Variants in HSPG2 observed in about 807,000 individuals in gnomAD.
HSPG2 encodes basement membrane-specific heparan sulfate proteoglycan core protein.
A neutral mutation model predicts 526.6 loss-of-function variants in HSPG2; 278 were observed. That is an observed-to-expected ratio of 0.53 (90% confidence interval 0.48 to 0.58). The LOEUF (loss-of-function observed/expected upper bound fraction) is 0.58, where lower values mean the gene tolerates loss of function less well. Among genes scored for constraint, HSPG2 ranks in the 20% least tolerant of loss-of-function variants. HSPG2 has a pLI of 0.00. For missense variants in HSPG2, 5,354 were observed against 6,099.5 expected (o/e 0.88, Z 4.07); for synonymous variants, 2,465 against 2,555.4 (o/e 0.96, Z 1.07).
intron 1 of HSPG2, among the ~76,000 whole-genome samples, chr1:21,932,106 G>T (rs12129809): frequency 6.6e-6 from 1 of 152,058 alleles, no homozygotes; most frequent in Non-Finnish European, 1.5e-5. Context: ...GGCGTCCCTA[G>T]GAGACCCCAC....
In HSPG2 at chr1:21,855,509, G is replaced by A. The variant is rs79859019; in HGVS notation, c.5854+14C>T. On this transcript the variant is annotated intron_variant, in intron 46 of 96. Coordinates refer to ENST00000374695, the MANE Select transcript of HSPG2 (RefSeq NM_005529.7). ...AGCACACTCCCGGCCCCCACCCTGA[G>A]CCCGGCCTCTCACCATGCACGTGGA... 1 of 1,610,712 alleles carries A rather than the reference G, an allele frequency of 6.2e-7. No homozygotes were observed.
In HSPG2 at chr1:21,834,811, G is replaced by T; in HGVS notation, c.10588C>A (p.Arg3530=). 1.9e-6 allele frequency: 3 copies of T among 1,614,200 alleles called. No homozygotes were observed. Among genetic ancestry groups the T allele is most frequent in the Non-Finnish European group, 2.5e-6 (3 of 1,180,044 alleles). ...CCTCCGCTCTGCACAATGCCTGGCC[G>T]CAGGTGCCCTCCAACTTTGCTCCAT... ...VTWSKVGGHL[R]PGIVQSGGVV... Residue 3530 remains arginine (R), a synonymous_variant, in exon 77 of 97, where the codon CGG becomes AGG. Transcript: ENST00000374695.
chr1:21,875,174 T>G (rs1640952962), intron 25 of HSPG2, 172 bp from the exon 26 acceptor site: 2 of 655,572 alleles, frequency 3.1e-6, no homozygotes, highest in Admixed American at 4.3e-5. Context: ...AGCTGTTACC[T>G]GCAACTTACT....
chr1:21,870,432 G>A (rs1640556985), intron 33 of HSPG2: 1 of 297,764 alleles, frequency 3.4e-6, no homozygotes, highest in Non-Finnish European at 5.0e-6. Flanking sequence ...TAATTAGGAA[G>A]AAAGATGCAT....
Position 21,828,020 on chromosome 1 carries a change from G to C in HSPG2, c.12532+10C>G, listed in dbSNP as rs772681178. Reference sequence around the variant, plus strand: ...CAGAGATGAAGTGGAGAGAAGCCAGGCCTGGGTACCTTGTTGGCAGCGTGG... The same window carrying C: ...CAGAGATGAAGTGGAGAGAAGCCAGCCCTGGGTACCTTGTTGGCAGCGTGG... On this transcript the variant is annotated intron_variant, in intron 90 of 96. Transcript: ENST00000374695. This position sits in a 1 kb window ranked among gnomAD's most constrained non-coding sequence, Gnocchi z 6.0. 3 of 1,613,618 alleles carry C rather than the reference G, an allele frequency of 1.9e-6. No homozygotes were observed. The highest frequency in any genetic ancestry group is 2.5e-6 in the Non-Finnish European group (3 of 1,179,978).
Position 21,876,376 on chromosome 1 carries a change from G to A in HSPG2, c.2856C>T (p.His952=), listed in dbSNP as rs753151119. The part of the protein sequence containing the change: ...QLHGASEEPG[H]FSLTNAASTH... ...TGCTTGCGGCGTTGGTCAGGCTGAA[G>A]TGACCAGGCTCCTCAGAGGCCCCAT... The change falls in exon 23 of 97, where the codon CAC becomes CAT. Residue 952 remains histidine (H), a synonymous_variant. Transcript: ENST00000374695. The A allele has an allele frequency of 3.7e-6, 6 of 1,612,318 alleles. No individual in the cohort carries two copies. In the African/African-American group the frequency reaches 4.0e-5, roughly 11 times the overall value.
In HSPG2 at chr1:21,859,972, T is replaced by G; in HGVS notation, c.5045A>C (p.His1682Pro). The G allele has an allele frequency of 1.2e-6, 2 of 1,610,986 alleles. No individual in the cohort carries two copies. The highest frequency in any genetic ancestry group is 1.7e-6 in the Non-Finnish European group (2 of 1,179,406). The part of the protein sequence containing the change: ...TNQAPLVVEV[H>P]PARSIVPQGG... The stretch of plus-strand genomic sequence containing the variant: ...TTGGGGCACTATGCTTCGAGCAGGA[T>G]GGACCTCGACCACCAGTGGGGCTTG... Residue 1682 changes from histidine to proline, a missense_variant, in exon 41 of 97, where the codon CAT (histidine) becomes CCT (proline). By Grantham distance (77) the His-to-Pro change is moderately conservative. Coordinates refer to ENST00000374695, the MANE Select transcript of HSPG2 (RefSeq NM_005529.7). This position sits in a 1 kb window ranked among gnomAD's most constrained non-coding sequence, Gnocchi z 5.3.
intron 85 of HSPG2, chr1:21,830,690 C>CAAAA (rs145627267): frequency 1.8e-3 from 193 of 109,740 alleles, no homozygotes; most frequent in Middle Eastern, 4.2e-3. Flanking sequence ...AACTTCGTCT[C>CAAAA]AAAAAAAAAA....
At chr1:21,897,469 G>A (rs1163538742) in intron 1 of HSPG2, among the ~76,000 whole-genome samples, 2 of 152,050 alleles carry the variant, frequency 1.3e-5, no homozygotes, top group Non-Finnish European at 2.9e-5. Flanking sequence ...CACCCCTACT[G>A]CTCCCACAGT....
chr1:21,872,632 G>C lies in HSPG2; in HGVS notation c.4017C>G (p.Tyr1339Ter). 1 of 1,589,784 alleles carries C rather than the reference G, an allele frequency of 6.3e-7. No individual in the cohort carries two copies. The highest frequency in any genetic ancestry group is 8.5e-7 in the Non-Finnish European group (1 of 1,169,794). Reference sequence around the variant, plus strand: ...CACAGGCTCTCACCAGGTGGCGTGTGTAGGCAGAGCTGGCGCACTGCTGGG... The same window carrying C: ...CACAGGCTCTCACCAGGTGGCGTGTCTAGGCAGAGCTGGCGCACTGCTGGG... ...GITQQCASSA[Y>*]TRHLISTHFA... The change falls in exon 32 of 97, where the codon TAC becomes TAG. Residue 1339 changes from tyrosine (Y) to a stop codon, truncating the protein, a stop_gained. Transcript: ENST00000374695. LOFTEE classifies it high-confidence loss of function. This position sits in a 1 kb window ranked among gnomAD's most constrained non-coding sequence, Gnocchi z 5.5.
In HSPG2 at chr1:21,847,961, G is replaced by A. The variant is rs1248983466; in HGVS notation, c.7870C>T (p.His2624Tyr). ...CCCCTGCCCTCTCTGCTCTCACCGTGGGAGGAACCGCTGCCCTGGATGGTG... is the reference window on the plus strand; with the variant it reads ...CCCCTGCCCTCTCTGCTCTCACCGTAGGAGGAACCGCTGCCCTGGATGGTG... ...IVTIQGSGSS[H>Y]VPSVSPPIRI... Residue 2624 changes from histidine (H) to tyrosine (Y), a missense_variant, in exon 60 of 97, where the codon CAC becomes TAC. Physicochemically the swap from His to Tyr is moderately conservative, Grantham distance 83. Coordinates refer to ENST00000374695, the MANE Select transcript of HSPG2 (RefSeq NM_005529.7). This position sits in a 1 kb window ranked among gnomAD's most constrained non-coding sequence, Gnocchi z 4.1. The A allele has an allele frequency of 2.5e-6, 4 of 1,613,716 alleles. No individual in the cohort carries two copies. Among genetic ancestry groups the A allele is most frequent in the Non-Finnish European group, 3.4e-6 (4 of 1,180,036 alleles).
At chr1:21,902,203 G>A (rs1260202798) in intron 1 of HSPG2, among the ~76,000 whole-genome samples, 3 of 152,186 alleles carry the variant, frequency 2.0e-5, no homozygotes, top group African/African-American at 7.2e-5. Context: ...GGCAGTCTGA[G>A]AGGGGCGCCG....
chr1:21,934,265 A>G (rs1382382853), intron 1 of HSPG2, among the ~76,000 whole-genome samples: 1 of 152,246 alleles, frequency 6.6e-6, no homozygotes, highest in Non-Finnish European at 1.5e-5. Context: ...CTCCGGACCA[A>G]ACTGAAGGGC....
rs751822537 is a variant in HSPG2, at chr1:21,841,606, A to G, written c.9261T>C (p.Gly3087=). The G allele has an allele frequency of 2.2e-5, 35 of 1,614,032 alleles. No homozygotes were observed. In the Admixed American group the frequency reaches 2.3e-4, roughly 11 times the overall value. The change falls in exon 70 of 97, where the codon GGT becomes GGC. Residue 3087 remains glycine, a synonymous_variant. Coordinates refer to ENST00000374695, the MANE Select transcript of HSPG2 (RefSeq NM_005529.7). The part of the protein sequence containing the change: ...TIVGTRPSNH[G]TYRCVASNAY... ...CATTGGAGGCCACGCAGCGGTAGGT[A>G]CCGTGGTTGCTGGGCCGGGTGCCCA...
chr1:21,865,857 G>C lies in HSPG2; in HGVS notation c.4222-48C>G, dbSNP rs774740304. ...GTCACAGGCTGACCTTGGGGTGTGA[G>C]TGTTGGACCATATAGGTGAGGGATG... On this transcript the variant is annotated intron_variant, in intron 33 of 96. Transcript: ENST00000374695. The surrounding 1 kb of genome is among the most constrained non-coding windows in gnomAD (Gnocchi z 5.4). 4 of 1,435,544 alleles carry C rather than the reference G, an allele frequency of 2.8e-6. No individual in the cohort carries two copies. Among genetic ancestry groups the C allele is most frequent in the Non-Finnish European group, 3.9e-6 (4 of 1,019,130 alleles). 88.9% of individuals were successfully genotyped at this position (1,435,544 alleles called of 1,614,324 possible).
chr1:21,913,363 C>T (rs1467127970), intron 1 of HSPG2, among the ~76,000 whole-genome samples: 1 of 152,168 alleles, frequency 6.6e-6, no homozygotes, highest in Non-Finnish European at 1.5e-5. Flanking sequence ...GAAGGGCTGG[C>T]AAGGGAGGGA....
chr1:21,824,061 G>A lies in HSPG2; in HGVS notation c.12899+60C>T. The stretch of plus-strand genomic sequence containing the variant: ...CCTGCCTCTCTGCCCATGGTAGGGG[G>A]CGTCCTGCCCCACTCCAGAACGCTG... On this transcript the variant is annotated intron_variant, in intron 95 of 96. Transcript: ENST00000374695. This position sits in a 1 kb window ranked among gnomAD's most constrained non-coding sequence, Gnocchi z 5.9. The A allele has an allele frequency of 4.1e-6, 6 of 1,458,794 alleles. No individual in the cohort carries two copies. The highest frequency in any genetic ancestry group is 4.7e-6 in the Non-Finnish European group (5 of 1,053,048). The allele number at this position is 1,458,794 out of a possible 1,614,324, so 90.4% of individuals were successfully genotyped here. A position where few individuals can be genotyped will look rare whatever the true frequency, so the allele number is the denominator to read the frequency against.
chr1:21,864,046 C>G lies in HSPG2; in HGVS notation c.4740+54G>C. 7.3e-7 allele frequency: 1 copy of G among 1,368,700 alleles called. No homozygotes were observed. Among genetic ancestry groups the G allele is most frequent in the Non-Finnish European group, 1.0e-6 (1 of 982,362 alleles). 84.8% of individuals were successfully genotyped at this position (1,368,700 alleles called of 1,614,324 possible). ...TGCCTGCCTTGTCCAGCCCTGGTCC[C>G]CCACCCAGGCCCAGCTGAGCTGACC... On this transcript the variant is annotated intron_variant, in intron 37 of 96. Coordinates refer to ENST00000374695, the MANE Select transcript of HSPG2 (RefSeq NM_005529.7). This position sits in a 1 kb window ranked among gnomAD's most constrained non-coding sequence, Gnocchi z 4.8.
Position 21,850,196 on chromosome 1 carries a change from G to A in HSPG2, c.7295-4C>T. 1.2e-6 allele frequency: 2 copies of A among 1,613,348 alleles called. No individual in the cohort carries two copies. Among genetic ancestry groups the A allele is most frequent in the African/African-American group, 1.3e-5 (1 of 75,078 alleles). On this transcript the variant is annotated splice_polypyrimidine_tract_variant and splice_region_variant and intron_variant, in intron 56 of 96. Coordinates refer to ENST00000374695, the MANE Select transcript of HSPG2 (RefSeq NM_005529.7). ...ACCGTGGGGGTGACCCCAAGTGCTG[G>A]GGACAGAGGGCAAAGGGTCAATAGC...
Sources: allele counts gnomAD v4.1 joint callset (sites outside exome capture counted in the v4.1 genomes callset), GRCh38; gene constraint gnomAD v4.1.1; non-coding constraint Gnocchi (gnomAD v3.1); transcripts MANE v1.5; gene names NCBI Gene and HGNC (gene_info 2026-07-23, HGNC 2026-07-21).